The following RYR2 variants were observed in gnomAD, a reference collection of about 807,000 sequenced individuals.
The protein encoded by RYR2 is cardiac muscle ryanodine receptor-calcium release channel.
A neutral mutation model predicts 601.1 loss-of-function variants in RYR2; 227 were observed. The observed-to-expected ratio is 0.38, with a 90% confidence interval of 0.34 to 0.42. The LOEUF is 0.42. RYR2 is among the 10% of genes least tolerant of loss of function. The probability of loss-of-function intolerance (pLI) is 1.00; values close to 1 mark genes in which losing one functional copy is unlikely to be tolerated. For missense variants in RYR2, 4,646 were observed against 6,156.5 expected, an observed-to-expected ratio of 0.75 and a Z score of 8.21; for synonymous variants, 2,223 against 2,175.1, an observed-to-expected ratio of 1.02 and a Z score of -0.61.
chr1:237,365,342 T>C (rs529611270), intron 5 of RYR2, among the ~76,000 whole-genome samples: 16 of 152,300 alleles, frequency 1.1e-4, no homozygotes, highest in Admixed American at 5.2e-4. Flanking sequence ...ATCCATCATG[T>C]TTAATAAAAC....
At chr1:237,390,592 C>A (rs1424280005) in intron 10 of RYR2, among the ~76,000 whole-genome samples, 1 of 152,118 alleles carries the variant, frequency 6.6e-6, no homozygotes, top group Non-Finnish European at 1.5e-5. Flanking sequence ...TTGAGGGACT[C>A]TGGGCATATG....
Position 237,330,862 on chromosome 1 carries a change from T to C in RYR2, c.169-16T>C. ...TGAAGATGATGCTGCTGACTGCTCT[T>C]CCTCTTTCTGTGCAGAATGTGCCCC... On this transcript the variant is annotated splice_polypyrimidine_tract_variant and intron_variant, in intron 2 of 104. Transcript: ENST00000366574. 6.2e-7 allele frequency: 1 copy of C among 1,607,208 alleles called. No individual in the cohort carries two copies. Among genetic ancestry groups the C allele is most frequent in the Non-Finnish European group, 8.5e-7 (1 of 1,173,766 alleles).
rs1239528608 is a variant in RYR2, at chr1:237,798,163, T to C, written c.14083T>C (p.Ser4695Pro). Residue 4695 changes from serine to proline, a missense_variant, in exon 97 of 105, where the codon TCA becomes CCA. Around this residue, in one of 17 missense-constraint regions of RYR2, gnomAD observed 76 missense variants for 97.4 expected, o/e 0.78. Transcript: ENST00000366574. The part of the protein sequence containing the change: ...KKKPKKDSSL[S>P]AVLNSIDVKY... ...GAAGCCAAAGAAAGACAGCTCCTTA[T>C]CAGCTGTGTAAGTGTTACTTCGGCT... 6.2e-6 allele frequency: 10 copies of C among 1,612,662 alleles called. No individual in the cohort carries two copies. The highest frequency in any genetic ancestry group is 1.1e-5 in the South Asian group (1 of 90,636).
intron 29 of RYR2, 90 bp downstream of exon 29, chr1:237,569,409 G>C: frequency 1.6e-6 from 2 of 1,263,606 alleles, no homozygotes; most frequent in Non-Finnish European, 2.2e-6. Flanking sequence ...TTCTGTTTCA[G>C]GGTGAGTGAG....
chr1:237,258,682 A>G (rs1475301684), intron 1 of RYR2, among the ~76,000 whole-genome samples: 2 of 152,184 alleles, frequency 1.3e-5, no homozygotes, highest in Non-Finnish European at 2.9e-5. Context: ...GTTGGCAGGA[A>G]CTAAAAGTCC....
At chr1:237,122,869 G>A (rs969208156) in intron 1 of RYR2, among the ~76,000 whole-genome samples, 10 of 152,090 alleles carry the variant, frequency 6.6e-5, no homozygotes, top group Non-Finnish European at 1.0e-4. Context: ...TTCCTTGAAG[G>A]TTAACATGTT....
intron 11 of RYR2, among the ~76,000 whole-genome samples, chr1:237,422,642 G>A (rs762711876): frequency 2.0e-5 from 3 of 152,228 alleles, no homozygotes; most frequent in Non-Finnish European, 2.9e-5. Context: ...ATACTTAGAC[G>A]TTGACCACAA....
Position 237,571,219 on chromosome 1 carries a change from A to G in RYR2, c.3598+1900A>G, listed in dbSNP as rs149438695. ...TATCCTGTTATATGTTTGCATATGG[A>G]TTTGCATATAAAAATGTATATATAT... On this transcript the variant is annotated intron_variant, in intron 29 of 104. Transcript: ENST00000366574. Among the ~76,000 whole-genome samples, 581 of 151,930 alleles carry G rather than the reference A, an allele frequency of 3.8e-3. 2 individuals carry two copies. Among genetic ancestry groups the G allele is most frequent in the African/African-American group, 0.013 (541 of 41,400 alleles).
intron 4 of RYR2, among the ~76,000 whole-genome samples, chr1:237,363,228 A>G (rs1428886741): frequency 1.3e-5 from 2 of 152,116 alleles, no homozygotes; most frequent in Non-Finnish European, 2.9e-5. Context: ...TTAGTGAGTC[A>G]CATGTGATTG....
intron 10 of RYR2, among the ~76,000 whole-genome samples, chr1:237,392,691 T>C (rs752482397): frequency 6.6e-6 from 1 of 151,948 alleles, no homozygotes; most frequent in Non-Finnish European, 1.5e-5. Context: ...GGATTTGATA[T>C]GCACTATGTG....
At position 237,783,982 on chromosome 1, in the gene RYR2, T is replaced by C. The variant is rs1695340849; in HGVS notation, c.12270T>C (p.Pro4090=). Reference sequence around the variant, plus strand: ...AGTTCGTCAAACGCTTCCACGAACCTGCGAAGGACATCGGCTTCAACGTCG... The same window carrying C: ...AGTTCGTCAAACGCTTCCACGAACCCGCGAAGGACATCGGCTTCAACGTCG... ...YEEFVKRFHE[P]AKDIGFNVAV... is the part of the protein sequence containing the mutation. The change falls in exon 90 of 105, where the codon CCT becomes CCC. Residue 4090 remains proline (P), a synonymous_variant. Transcript: ENST00000366574. The C allele has an allele frequency of 1.2e-6, 2 of 1,613,826 alleles. No homozygotes were observed. Among genetic ancestry groups the C allele is most frequent in the South Asian group, 2.2e-5 (2 of 91,058 alleles).
chr1:237,630,588 A>G (rs1427633144), intron 41 of RYR2, among the ~76,000 whole-genome samples: 1 of 152,192 alleles, frequency 6.6e-6, no homozygotes, highest in Non-Finnish European at 1.5e-5. Flanking sequence ...CAATTTTCTC[A>G]TAGGCTGTAT....
rs778775853 is a variant in RYR2, at chr1:237,611,047, C to G, written c.4910+59C>G. 6 of 1,450,388 alleles carry G rather than the reference C, an allele frequency of 4.1e-6. No individual in the cohort carries two copies. In the Admixed American group the frequency reaches 1.2e-4, roughly 28 times the overall value. 89.8% of individuals were successfully genotyped at this position (1,450,388 alleles called of 1,614,324 possible). A position where few individuals can be genotyped will look rare whatever the true frequency, so the allele number is the denominator to read the frequency against. The stretch of plus-strand genomic sequence containing the variant: ...GGACGCTTGGGATTAGCCTGCTGCC[C>G]GGGGCTTCCGGTAGTGGTGCGGGGC... On this transcript the variant is annotated intron_variant, in intron 36 of 104. Coordinates refer to ENST00000366574, the MANE Select transcript of RYR2 (RefSeq NM_001035.3).
chr1:237,817,595 A>C (rs957346543), intron 100 of RYR2, among the ~76,000 whole-genome samples: 6 of 152,202 alleles, frequency 3.9e-5, no homozygotes, highest in African/African-American at 9.6e-5. Flanking sequence ...CCAGGCTGGA[A>C]ATAGAAATGA....
chr1:237,131,182 G>T (rs1672130602), intron 1 of RYR2, among the ~76,000 whole-genome samples: 1 of 152,026 alleles, frequency 6.6e-6, no homozygotes, highest in South Asian at 2.1e-4. Flanking sequence ...AGTTCCCCCT[G>T]GGAGGAATTT....
chr1:237,700,421 A>G lies in RYR2; in HGVS notation c.9321A>G (p.Ser3107=), dbSNP rs1472031665. 1.2e-6 allele frequency: 2 copies of G among 1,607,050 alleles called. No homozygotes were observed. Residue 3107 remains serine, a synonymous_variant, in exon 65 of 105, where the codon TCA becomes TCG. Transcript: ENST00000366574. Reference sequence around the variant, plus strand: ...TGGCCCTGCTGCCAATGCTGTCTTCATTATTTGAACATATTGGCCAGCATC... The same window carrying G: ...TGGCCCTGCTGCCAATGCTGTCTTCGTTATTTGAACATATTGGCCAGCATC... The part of the protein sequence containing the change: ...TTVALLPMLS[S]LFEHIGQHQF...
At chr1:237,131,868 G>A (rs1672208359) in intron 1 of RYR2, among the ~76,000 whole-genome samples, 1 of 152,002 alleles carries the variant, frequency 6.6e-6, no homozygotes, top group African/African-American at 2.4e-5. Context: ...CTACTGGCAT[G>A]CACTACCATG....
chr1:237,216,870 G>A (rs898421981), intron 1 of RYR2, among the ~76,000 whole-genome samples: 1 of 151,744 alleles, frequency 6.6e-6, no homozygotes, highest in African/African-American at 2.4e-5. Flanking sequence ...GGTCTGAGTA[G>A]CACATGCTGA....
intron 31 of RYR2, 27 bp from the exon 32 acceptor site, chr1:237,591,712 T>C: frequency 6.5e-7 from 1 of 1,546,384 alleles, no homozygotes; most frequent in Non-Finnish European, 8.9e-7. Context: ...TAATGTTGCT[T>C]ATTGTTAGTC....
Sources: allele counts gnomAD v4.1 joint callset (sites outside exome capture counted in the v4.1 genomes callset), GRCh38; gene constraint gnomAD v4.1.1; regional missense constraint gnomAD v4.1.1; transcripts MANE v1.5; gene names NCBI Gene and HGNC (gene_info 2026-07-23, HGNC 2026-07-21).